The following PLEKHM2 variants were observed in gnomAD, a reference collection of about 807,000 sequenced individuals.
The protein encoded by PLEKHM2 is pleckstrin homology and RUN domain containing M2.
A neutral mutation model predicts 116.3 loss-of-function variants in PLEKHM2; 77 were observed. The observed-to-expected ratio is 0.66, with a 90% confidence interval of 0.55 to 0.80. The LOEUF (loss-of-function observed/expected upper bound fraction) is 0.80, where lower values mean the gene tolerates loss of function less well. PLEKHM2 is among the 30% of genes least tolerant of loss of function. The pLI, the probability that PLEKHM2 is intolerant of heterozygous loss-of-function variation, is 0.00. For missense variants in PLEKHM2, 1,183 were observed against 1,354.9 expected, an observed-to-expected ratio of 0.87 and a Z score of 1.99; for synonymous variants, 562 against 571.0, an observed-to-expected ratio of 0.98 and a Z score of 0.22.
At chr1:15,725,798 G>A (rs2068056877) in intron 8 of PLEKHM2, 4 of 540,236 alleles carry the variant, frequency 7.4e-6, no homozygotes, top group Non-Finnish European at 1.3e-5. Context: ...TCACAGCTCT[G>A]GAGCCTACAG....
chr1:15,719,755 GC>G lies in PLEKHM2; in HGVS notation c.492del (p.Tyr165ThrfsTer91). 6.2e-7 allele frequency: 1 copy of G among 1,612,416 alleles called. No homozygotes were observed. The highest frequency in any genetic ancestry group is 8.5e-7 in the Non-Finnish European group (1 of 1,179,060). ...TCAGGATGCCCCTTACCTAGACCTGGCCCCCTACATGCCCGACTACTACAAA... is the reference window on the plus strand; with the variant it reads ...TCAGGATGCCCCTTACCTAGACCTGGCCCCTACATGCCCGACTACTACAAA... ...LDLDAPYLDL[A>X]PYMPDYYKPQ... On this transcript the variant is annotated frameshift_variant, in exon 6 of 20. Coordinates refer to ENST00000375799, the MANE Select transcript of PLEKHM2 (RefSeq NM_015164.4). LOFTEE classifies it high-confidence loss of function. This position sits in a 1 kb window ranked among gnomAD's most constrained non-coding sequence, Gnocchi z 4.1.
intron 1 of PLEKHM2, among the ~76,000 whole-genome samples, chr1:15,708,238 T>A (rs1000378984): frequency 6.7e-6 from 1 of 149,916 alleles, no homozygotes; most frequent in Non-Finnish European, 1.5e-5. Context: ...TCTTTTTTTT[T>A]ATGGAGTCTC....
At position 15,719,883 on chromosome 1, in the gene PLEKHM2, G is replaced by A. The variant is rs1306367428; in HGVS notation, c.615G>A (p.Leu205=). Residue 205 remains leucine (L), a synonymous_variant, in exon 6 of 20, where the codon CTG becomes CTA. Transcript: ENST00000375799. The surrounding 1 kb of genome is among the most constrained non-coding windows in gnomAD (Gnocchi z 4.1). The part of the protein sequence containing the change: ...NSFNSVTSTN[L]EWDDSAIAPS... Reference sequence around the variant, plus strand: ...TCAACTCCGTCACCTCCACCAACCTGGAGTGGGATGACAGTGCGATTGCCC... The same window carrying A: ...TCAACTCCGTCACCTCCACCAACCTAGAGTGGGATGACAGTGCGATTGCCC... The A allele has an allele frequency of 1.2e-6, 2 of 1,613,622 alleles. No individual in the cohort carries two copies. Among genetic ancestry groups the A allele is most frequent in the East Asian group, 2.2e-5 (1 of 44,890 alleles).
rs918350885 is a variant in PLEKHM2 at position 15,729,725 on chromosome 1, C to T, written c.2076-72C>T. 7.0e-7 allele frequency: 1 copy of T among 1,419,620 alleles called. No homozygotes were observed. Among genetic ancestry groups the T allele is most frequent in the African/African-American group, 1.4e-5 (1 of 69,994 alleles). 87.9% of individuals were successfully genotyped at this position (1,419,620 alleles called of 1,614,324 possible). A position where few individuals can be genotyped will look rare whatever the true frequency, so the allele number is the denominator to read the frequency against. ...CTGTGACCCCTCCAGGCCAGCAGCG[C>T]TCAAGACTAAGCCCTGTCCAGTTGA... On this transcript the variant is annotated intron_variant, in intron 13 of 19. Transcript: ENST00000375799. The surrounding 1 kb of genome is among the most constrained non-coding windows in gnomAD (Gnocchi z 4.7).
intron 17 of PLEKHM2, 57 bp from the exon 18 acceptor site, chr1:15,732,293 T>G: frequency 7.1e-7 from 1 of 1,404,266 alleles, no homozygotes; most frequent in Non-Finnish European, 9.7e-7. Flanking sequence ...AGTGTGGACT[T>G]CTGGTGCAGA....
chr1:15,723,879 T>G (rs1218461079), intron 7 of PLEKHM2, among the ~76,000 whole-genome samples: 2 of 152,200 alleles, frequency 1.3e-5, no homozygotes, highest in Non-Finnish European at 2.9e-5. Flanking sequence ...GCCTCTTTTC[T>G]TCCGGGCAGA....
chr1:15,729,757 G>T lies in PLEKHM2; in HGVS notation c.2076-40G>T. 1 of 1,578,644 alleles carries T rather than the reference G, an allele frequency of 6.3e-7. No homozygotes were observed. Among genetic ancestry groups the T allele is most frequent in the Middle Eastern group, 1.7e-4 (1 of 5,890 alleles). ...CTAAGCCCTGTCCAGTTGAGGCCCT[G>T]TTCCCAGGCCTCTAACCACAAACCT... On this transcript the variant is annotated intron_variant, in intron 13 of 19. Coordinates refer to ENST00000375799, the MANE Select transcript of PLEKHM2 (RefSeq NM_015164.4). This position sits in a 1 kb window ranked among gnomAD's most constrained non-coding sequence, Gnocchi z 4.7.
chr1:15,688,599 GAGATCGCGCCATTGCACTC>G (rs1640821233), intron 1 of PLEKHM2, among the ~76,000 whole-genome samples: 1 of 148,860 alleles, frequency 6.7e-6, no homozygotes, highest in African/African-American at 2.5e-5. Flanking sequence ...GCAGTGAACT[GAGATCGCGCCATTGCACTC>G]CAGCGTGGGT....
intron 7 of PLEKHM2, among the ~76,000 whole-genome samples, chr1:15,724,236 G>A (rs2068031341): frequency 6.6e-6 from 1 of 152,246 alleles, no homozygotes; most frequent in Non-Finnish European, 1.5e-5. Context: ...TGTAATCCCA[G>A]CATTTTGGGA....
At chr1:15,723,486 T>A (rs186237305) in intron 7 of PLEKHM2, 14 of 148,598 alleles carry the variant, frequency 9.4e-5, no homozygotes, top group African/African-American at 3.5e-4. Flanking sequence ...ACACCTGTAA[T>A]CCCAGCACTT....
In PLEKHM2 at chr1:15,716,220, G is replaced by T; in HGVS notation, c.61-17G>T. On this transcript the variant is annotated splice_polypyrimidine_tract_variant and intron_variant, in intron 1 of 19. Coordinates refer to ENST00000375799, the MANE Select transcript of PLEKHM2 (RefSeq NM_015164.4). ...CTTAATCCATTTCTGATTTGGAGGTGTTTTTTTTTCTTTCAGTTGCAGAGC... is the reference window on the plus strand; with the variant it reads ...CTTAATCCATTTCTGATTTGGAGGTTTTTTTTTTTCTTTCAGTTGCAGAGC... The T allele has an allele frequency of 7.2e-7, 1 of 1,383,170 alleles. No homozygotes were observed. Among genetic ancestry groups the T allele is most frequent in the Non-Finnish European group, 1.0e-6 (1 of 1,004,034 alleles). 85.7% of individuals were successfully genotyped at this position (1,383,170 alleles called of 1,614,324 possible).
intron 1 of PLEKHM2, among the ~76,000 whole-genome samples, chr1:15,694,147 T>C (rs765466221): frequency 1.1e-4 from 17 of 150,446 alleles, no homozygotes; most frequent in Non-Finnish European, 2.5e-4. Context: ...AGATCAGGAG[T>C]TCGAGACCAG....
chr1:15,689,555 G>A (rs1298194656), intron 1 of PLEKHM2, among the ~76,000 whole-genome samples: 1 of 152,180 alleles, frequency 6.6e-6, no homozygotes, highest in African/African-American at 2.4e-5. Context: ...GCAGATGACT[G>A]GACCACTGTT....
chr1:15,682,623 AC>A (rs1557634243), upstream of PLEKHM2, among the ~76,000 whole-genome samples: 14,405 of 147,428 alleles, frequency 0.098, 1,000 homozygotes, highest in African/African-American at 0.18. Flanking sequence ...TGTCTCAAAA[AC>A]AAACAAAACA....
chr1:15,720,149 T>TATATATATATAA (rs766169429), intron 6 of PLEKHM2, among the ~76,000 whole-genome samples: 1 of 118,656 alleles, frequency 8.4e-6, no homozygotes, highest in African/African-American at 4.1e-5. Flanking sequence ...TATATATATA[T>TATATATATATAA]AAAATATATA....
At position 15,729,781 on chromosome 1, in the gene PLEKHM2, C is replaced by T. The variant is rs765753978; in HGVS notation, c.2076-16C>T. ...TGTTCCCAGGCCTCTAACCACAAACCTCACTCCCTATGCAGGTTCTTTTTG... is the reference window on the plus strand; with the variant it reads ...TGTTCCCAGGCCTCTAACCACAAACTTCACTCCCTATGCAGGTTCTTTTTG... On this transcript the variant is annotated splice_polypyrimidine_tract_variant and intron_variant, in intron 13 of 19. Coordinates refer to ENST00000375799, the MANE Select transcript of PLEKHM2 (RefSeq NM_015164.4). This position sits in a 1 kb window ranked among gnomAD's most constrained non-coding sequence, Gnocchi z 4.7. 6 of 1,605,740 alleles carry T rather than the reference C, an allele frequency of 3.7e-6. No individual in the cohort carries two copies. In the African/African-American group the frequency reaches 5.4e-5, roughly 14 times the overall value.
chr1:15,711,948 A>C (rs193290852), intron 1 of PLEKHM2, among the ~76,000 whole-genome samples: 1 of 151,880 alleles, frequency 6.6e-6, no homozygotes, highest in Non-Finnish European at 1.5e-5. Context: ...GAGAAACCCC[A>C]TCTCTACTAA....
Position 15,721,401 on chromosome 1 carries a change from C to A in PLEKHM2, c.712+13C>A. ...ACAGACTGGGAAGGTGGGCCAGAGT[C>A]CGCTGTTACCCTCTTTTCCTGTTTT... is the stretch of plus-strand genomic sequence containing the variant. On this transcript the variant is annotated intron_variant, in intron 7 of 19. Transcript: ENST00000375799. The surrounding 1 kb of genome is among the most constrained non-coding windows in gnomAD (Gnocchi z 5.1). 6.5e-7 allele frequency: 1 copy of A among 1,526,888 alleles called. No individual in the cohort carries two copies. Among genetic ancestry groups the A allele is most frequent in the Non-Finnish European group, 8.9e-7 (1 of 1,119,948 alleles). The allele number at this position is 1,526,888 out of a possible 1,614,324, so 94.6% of individuals were successfully genotyped here. A position where few individuals can be genotyped will look rare whatever the true frequency, so the allele number is the denominator to read the frequency against.
rs138336889 is a variant in PLEKHM2, at chr1:15,715,777, A to G, written c.61-460A>G. On this transcript the variant is annotated intron_variant, in intron 1 of 19. Coordinates refer to ENST00000375799, the MANE Select transcript of PLEKHM2 (RefSeq NM_015164.4). ...AAAACTTTCTCAATAGGGCAAAACA[A>G]TAACATAAGCAAAGTTTAAAGGTCT... Among the ~76,000 whole-genome samples the G allele has an allele frequency of 5.4e-4, 82 of 152,404 alleles. 2 individuals are homozygous for G. The East Asian group carries it at 0.014, about 27-fold the overall frequency.
Sources: allele counts gnomAD v4.1 joint callset (sites outside exome capture counted in the v4.1 genomes callset), GRCh38; gene constraint gnomAD v4.1.1; non-coding constraint Gnocchi (gnomAD v3.1); transcripts MANE v1.5; gene names NCBI Gene and HGNC (gene_info 2026-07-23, HGNC 2026-07-21).